RAD51B: variants seen among roughly 807,000 people sequenced by gnomAD.
RAD51B encodes the protein DNA repair protein RAD51 homolog 2.
A neutral mutation model predicts 42.2 loss-of-function variants in RAD51B; 38 were observed. That is an observed-to-expected ratio of 0.90 (90% CI 0.70 to 1.18). The LOEUF (loss-of-function observed/expected upper bound fraction) is 1.18. Ranked by LOEUF, RAD51B falls within the 50% of genes most tolerant of loss-of-function variation. The probability of loss-of-function intolerance (pLI) is 0.00; values close to 1 mark genes in which losing one functional copy is unlikely to be tolerated. For synonymous variants in RAD51B, 154 were observed against 145.2 expected, an observed-to-expected ratio of 1.06 and a Z score of -0.43; for missense variants, 373 against 400.7, an observed-to-expected ratio of 0.93 and a Z score of 0.59.
downstream of RAD51B, among the ~76,000 whole-genome samples, chr14:68,599,291 A>G (rs1891126953): frequency 6.6e-6 from 1 of 152,140 alleles, no homozygotes; most frequent in Non-Finnish European, 1.5e-5. Context: ...CTAACATTAC[A>G]TATCATAACT....
rs1199902088 is a variant in RAD51B, at chr14:68,477,826, G to A, written c.*162G>A. On this transcript the variant is annotated 3_prime_UTR_variant, in exon 11 of 11. Coordinates refer to ENST00000471583, the MANE Select transcript of RAD51B (RefSeq NM_133510.4). ...TTTGCTCCTAAACCATTGAGCTAGCGATTTCAGACCTAGCAGGGAAGGTGA... is the reference window on the plus strand; with the variant it reads ...TTTGCTCCTAAACCATTGAGCTAGCAATTTCAGACCTAGCAGGGAAGGTGA... 1.4e-6 allele frequency: 2 copies of A among 1,455,360 alleles called. No individual in the cohort carries two copies. The highest frequency in any genetic ancestry group is 1.8e-6 in the Non-Finnish European group (2 of 1,104,558). 90.2% of individuals were successfully genotyped at this position (1,455,360 alleles called of 1,614,324 possible). A position where few individuals can be genotyped will look rare whatever the true frequency, so the allele number is the denominator to read the frequency against.
At chr14:68,006,731 A>C (rs1473212713) in intron 7 of RAD51B, among the ~76,000 whole-genome samples, 1 of 152,170 alleles carries the variant, frequency 6.6e-6, no homozygotes, top group African/African-American at 2.4e-5. Flanking sequence ...AATTACTGCT[A>C]GTCTTTTGCT....
chr14:68,471,629 T>A (rs2717218), intron 10 of RAD51B, among the ~76,000 whole-genome samples: 150,860 of 151,182 alleles, frequency 1, 75,270 homozygotes, highest in East Asian at 1. Flanking sequence ...TTTTTGAAAC[T>A]CTTGAAGGAG....
rs148751074 is a variant in RAD51B at position 68,363,646 on chromosome 14, G to C, written c.854-47778G>C. On this transcript the variant is annotated intron_variant, in intron 8 of 10. Coordinates refer to ENST00000471583, the MANE Select transcript of RAD51B (RefSeq NM_133510.4). The stretch of plus-strand genomic sequence containing the variant: ...GCCACCTTGTGGTTAACATAGCTCT[G>C]TGGCTCAAGGAGGAGGGTTGGGCCG... Among the ~76,000 whole-genome samples the C allele has an allele frequency of 3.1e-3, 470 of 152,282 alleles. 1 individual carries two copies. The highest frequency in any genetic ancestry group is 0.011 in the African/African-American group (451 of 41,568).
At chr14:68,472,631 A>T (rs1400522746) in intron 10 of RAD51B, among the ~76,000 whole-genome samples, 2 of 152,110 alleles carry the variant, frequency 1.3e-5, no homozygotes, top group African/African-American at 2.4e-5. Flanking sequence ...TTTTTATATC[A>T]TTTTTGCAAA....
At chr14:68,377,913 A>G (rs981932274) in intron 8 of RAD51B, among the ~76,000 whole-genome samples, 1 of 152,228 alleles carries the variant, frequency 6.6e-6, no homozygotes, top group South Asian at 2.1e-4. Context: ...TAAACTTTTT[A>G]TGAAGTTTTT....
At chr14:68,261,492 T>C (rs1595622447) in intron 7 of RAD51B, among the ~76,000 whole-genome samples, 2 of 152,214 alleles carry the variant, frequency 1.3e-5, no homozygotes, top group East Asian at 3.8e-4. Context: ...AACTGTGCAC[T>C]CTCTCTTTCT....
intron 7 of RAD51B, among the ~76,000 whole-genome samples, chr14:67,911,151 T>A (rs1399403278): frequency 6.6e-6 from 1 of 152,132 alleles, no homozygotes; most frequent in Non-Finnish European, 1.5e-5. Flanking sequence ...CAGAGACAGA[T>A]GGAAAACTGT....
chr14:68,471,296 G>A (rs1271595295), intron 10 of RAD51B, among the ~76,000 whole-genome samples: 2 of 152,156 alleles, frequency 1.3e-5, no homozygotes, highest in Admixed American at 6.5e-5. Context: ...AGCTACCCGT[G>A]GGGGTAGGGA....
intron 8 of RAD51B, among the ~76,000 whole-genome samples, chr14:68,320,927 C>G (rs1050109898): frequency 6.6e-6 from 1 of 152,174 alleles, no homozygotes; most frequent in Non-Finnish European, 1.5e-5. Context: ...CTGGCTCTTT[C>G]TGGTTAAAAG....
intron 10 of RAD51B, among the ~76,000 whole-genome samples, chr14:68,527,688 C>T (rs975559578): frequency 1.3e-5 from 2 of 152,192 alleles, no homozygotes; most frequent in African/African-American, 4.8e-5. Context: ...CATAATGCAC[C>T]AATAGAATGT....
chr14:68,611,215 A>G lies in RAD51B; in HGVS notation c.1246A>G (p.Arg416Gly), dbSNP rs973717831. 5.7e-6 allele frequency: 4 copies of G among 702,960 alleles called. No homozygotes were observed. The African/African-American group carries it at 7.0e-5, about 12-fold the overall frequency. The allele number at this position is 702,960 out of a possible 1,614,324, so 43.5% of individuals were successfully genotyped here. Residue 416 changes from arginine to glycine, a missense_variant, in exon 11 of 11, where the codon AGA (arginine) becomes GGA (glycine). Transcript: ENST00000487861. ...TCCTACAAACTGGGCAACTGGAATC[A>G]GAACAGAGACTTTGGATGAGCATCC...
chr14:68,612,135 T>C (rs1246471520), downstream of RAD51B, among the ~76,000 whole-genome samples: 1 of 152,240 alleles, frequency 6.6e-6, no homozygotes, highest in African/African-American at 2.4e-5. Context: ...CTTAAGGAGC[T>C]GATGGTCTCC....
At chr14:68,284,594 A>G (rs1271743295) in intron 7 of RAD51B, among the ~76,000 whole-genome samples, 3 of 152,228 alleles carry the variant, frequency 2.0e-5, no homozygotes, top group African/African-American at 7.2e-5. Context: ...ATATTTCACA[A>G]GAAAAATTCC....
chr14:68,453,707 CAA>C (rs751649725), intron 9 of RAD51B, among the ~76,000 whole-genome samples: 2 of 152,142 alleles, frequency 1.3e-5, no homozygotes, highest in Non-Finnish European at 2.9e-5. Context: ...AGCAACCAAA[CAA>C]GAGATTTTTA....
intron 10 of RAD51B, among the ~76,000 whole-genome samples, chr14:68,650,385 G>C (rs148763363): frequency 2.7e-4 from 41 of 152,310 alleles, no homozygotes; most frequent in African/African-American, 9.6e-4. Context: ...TGAACAAGCA[G>C]GCAGGGTGAT....
Position 68,060,562 on chromosome 14 carries a change from C to G in RAD51B, c.756+173358C>G, listed in dbSNP as rs147086772. On this transcript the variant is annotated intron_variant, in intron 7 of 10. Coordinates refer to ENST00000471583, the MANE Select transcript of RAD51B (RefSeq NM_133510.4). ...TTACTTCTTACAGTTGATCTTGGCT[C>G]CTGATCTTGTTACATTGTTATGAGC... 3.1e-3 allele frequency among the ~76,000 whole-genome samples: 479 copies of G among 152,230 alleles called. 2 individuals carry two copies. Among genetic ancestry groups the G allele is most frequent in the African/African-American group, 0.011 (465 of 41,546 alleles).
At chr14:68,539,574 C>G (rs576117063) in intron 10 of RAD51B, among the ~76,000 whole-genome samples, 1 of 152,332 alleles carries the variant, frequency 6.6e-6, no homozygotes, top group East Asian at 1.9e-4. Context: ...TCGGTTGCAA[C>G]TGTCAAGCAA....
At chr14:67,963,364 A>C (rs188333085) in intron 7 of RAD51B, among the ~76,000 whole-genome samples, 1 of 152,226 alleles carries the variant, frequency 6.6e-6, no homozygotes, top group African/African-American at 2.4e-5. Flanking sequence ...AATACCTAAT[A>C]TTTCTCAATG....
Sources: gnomAD v4.1 joint callset for allele counts (sites outside exome capture counted in the v4.1 genomes callset) on GRCh38, gnomAD v4.1.1 for gene constraint, MANE v1.5 for transcripts, NCBI Gene and HGNC (gene_info 2026-07-23, HGNC 2026-07-21) for gene names.